The following IMMP2L variants were observed in gnomAD, a reference collection of about 807,000 sequenced individuals.
The protein encoded by IMMP2L is mitochondrial inner membrane protease subunit 2.
A neutral mutation model predicts 19.3 loss-of-function variants in IMMP2L; 18 were observed. That is an observed-to-expected ratio of 0.93 (90% CI 0.64 to 1.38). The LOEUF (loss-of-function observed/expected upper bound fraction) is 1.38. Ranked by LOEUF, IMMP2L falls within the 40% of genes most tolerant of loss-of-function variation. IMMP2L has a pLI of 0.00. For missense variants in IMMP2L, 233 were observed against 218.2 expected, an observed-to-expected ratio of 1.07 and a Z score of -0.43; for synonymous variants, 76 against 73.0, an observed-to-expected ratio of 1.04 and a Z score of -0.21.
At position 110,728,787 on chromosome 7, in the gene IMMP2L, G is replaced by A. The variant is rs892834872; in HGVS notation, c.409-65066C>T. Among the ~76,000 whole-genome samples the A allele has an allele frequency of 2.0e-5, 3 of 152,120 alleles. No homozygotes were observed. In the South Asian group the frequency reaches 6.2e-4, roughly 32 times the overall value. On this transcript the variant is annotated intron_variant, in intron 5 of 5. Coordinates refer to ENST00000405709, the MANE Select transcript of IMMP2L (RefSeq NM_032549.4). The surrounding 1 kb of genome is among the most constrained non-coding windows in gnomAD (Gnocchi z 4.6). ...ACCTCATTTGTTTCTCACCATATTC[G>A]TGAGGTGGCTACAATCATTACCCCC...
chr7:111,532,366 C>T (rs945604823), intron 1 of IMMP2L, among the ~76,000 whole-genome samples: 2 of 152,020 alleles, frequency 1.3e-5, no homozygotes, highest in African/African-American at 2.4e-5. Flanking sequence ...CAACAATAAG[C>T]GGAATTGAAA....
At chr7:110,840,687 C>G (rs1047953828) in intron 5 of IMMP2L, among the ~76,000 whole-genome samples, 9 of 152,020 alleles carry the variant, frequency 5.9e-5, no homozygotes, top group African/African-American at 2.2e-4. Flanking sequence ...TATCTACCTT[C>G]CTATAATTTG....
intron 3 of IMMP2L, among the ~76,000 whole-genome samples, chr7:111,423,159 G>A (rs1835746045): frequency 1.3e-5 from 2 of 151,818 alleles, no homozygotes; most frequent in Admixed American, 6.6e-5. Flanking sequence ...TTTTCATCAG[G>A]GATATTGGTC....
intron 2 of IMMP2L, among the ~76,000 whole-genome samples, chr7:111,501,652 G>C (rs966983952): frequency 3.3e-5 from 5 of 152,140 alleles, no homozygotes; most frequent in Non-Finnish European, 5.9e-5. Flanking sequence ...AGCCAGAAGA[G>C]AGTGGGGGCC....
intron 3 of IMMP2L, among the ~76,000 whole-genome samples, chr7:111,414,910 G>C (rs1036290651): frequency 6.6e-6 from 1 of 151,722 alleles, no homozygotes; most frequent in African/African-American, 2.4e-5. Flanking sequence ...CTGCCCACTG[G>C]TGCACACACT....
chr7:111,267,428 T>G (rs1817948198), intron 3 of IMMP2L, among the ~76,000 whole-genome samples: 1 of 152,174 alleles, frequency 6.6e-6, no homozygotes, highest in Non-Finnish European at 1.5e-5. Flanking sequence ...TGGTCAGTTA[T>G]GGCTGATGAG....
intron 3 of IMMP2L, among the ~76,000 whole-genome samples, chr7:111,313,724 A>C (rs931399945): frequency 6.6e-6 from 1 of 152,148 alleles, no homozygotes. Context: ...AAAATACAGT[A>C]AATAATAACT....
intron 5 of IMMP2L, among the ~76,000 whole-genome samples, chr7:110,712,766 C>T (rs1472265470): frequency 1.9e-5 from 2 of 107,334 alleles, no homozygotes; most frequent in East Asian, 5.2e-4. Context: ...GGGAGTGACC[C>T]GATTTTCCAG....
intron 5 of IMMP2L, among the ~76,000 whole-genome samples, chr7:110,833,219 A>T (rs867334432): frequency 2.6e-5 from 4 of 152,168 alleles, no homozygotes; most frequent in Middle Eastern, 3.4e-3. Context: ...CAGGCAGATT[A>T]TCTGAGGTCA....
At chr7:110,808,180 T>A (rs1196978936) in intron 5 of IMMP2L, among the ~76,000 whole-genome samples, 1 of 152,062 alleles carries the variant, frequency 6.6e-6, no homozygotes, top group Non-Finnish European at 1.5e-5. Flanking sequence ...AAAAGCTATC[T>A]CAGGACATGG....
intron 5 of IMMP2L, among the ~76,000 whole-genome samples, chr7:110,715,311 TG>T (rs1250856039): frequency 6.6e-6 from 1 of 152,142 alleles, no homozygotes; most frequent in Non-Finnish European, 1.5e-5. Flanking sequence ...TTGCTAGCTT[TG>T]GGGTTCGTTT....
intron 3 of IMMP2L, among the ~76,000 whole-genome samples, chr7:111,302,082 T>C (rs1171371863): frequency 1.3e-5 from 2 of 152,022 alleles, no homozygotes; most frequent in Non-Finnish European, 2.9e-5. Flanking sequence ...TCAGTACCCA[T>C]TAGCATCACC....
chr7:110,882,371 C>CTG (rs1367937370), intron 5 of IMMP2L, among the ~76,000 whole-genome samples: 1 of 141,356 alleles, frequency 7.1e-6, no homozygotes, highest in African/African-American at 2.9e-5. Context: ...CTCTCTCTCT[C>CTG]TCTCCCTCTC....
chr7:111,233,340 T>G (rs923658257), intron 3 of IMMP2L, among the ~76,000 whole-genome samples: 1 of 152,116 alleles, frequency 6.6e-6, no homozygotes. Context: ...CACATTTCAC[T>G]CCCTGAAATA....
intron 3 of IMMP2L, among the ~76,000 whole-genome samples, chr7:111,410,062 T>C (rs1343186888): frequency 6.6e-6 from 1 of 151,802 alleles, no homozygotes; most frequent in African/African-American, 2.4e-5. Flanking sequence ...GAGATTGGCA[T>C]AAGAATACTC....
intron 4 of IMMP2L, among the ~76,000 whole-genome samples, chr7:110,952,537 A>AG (rs1817939207): frequency 1.3e-5 from 2 of 152,278 alleles, no homozygotes; most frequent in African/African-American, 4.8e-5. Context: ...GGAAAAGCTG[A>AG]GGTTCATGGT....
chr7:110,740,451 T>G (rs1796920820), intron 5 of IMMP2L, among the ~76,000 whole-genome samples: 1 of 152,064 alleles, frequency 6.6e-6, no homozygotes, highest in Non-Finnish European at 1.5e-5. Flanking sequence ...TTTATGTGCA[T>G]AAACTAGAAA....
intron 3 of IMMP2L, among the ~76,000 whole-genome samples, chr7:111,258,601 G>A (rs1216585410): frequency 6.6e-6 from 1 of 151,948 alleles, no homozygotes; most frequent in East Asian, 1.9e-4. Context: ...CCACCTTCCA[G>A]GTTCAAGCAA....
At chr7:111,199,945 T>G (rs1237342974) in intron 3 of IMMP2L, among the ~76,000 whole-genome samples, 3 of 152,144 alleles carry the variant, frequency 2.0e-5, no homozygotes, top group Admixed American at 6.5e-5. Context: ...TGAATGCTTT[T>G]CAGTTTTATA....
Sources: gnomAD v4.1 joint callset for allele counts (sites outside exome capture counted in the v4.1 genomes callset) on GRCh38, gnomAD v4.1.1 for gene constraint, Gnocchi (gnomAD v3.1) non-coding constraint, MANE v1.5 for transcripts, NCBI Gene and HGNC (gene_info 2026-07-23, HGNC 2026-07-21) for gene names.